Variants in FKBP4 observed in about 807,000 individuals in gnomAD.
FKBP4 encodes FKBP prolyl isomerase 4, also known as peptidyl-prolyl cis-trans isomerase FKBP4.
Under a neutral mutation model 54.1 loss-of-function variants are expected in FKBP4, and 28 were observed. The observed-to-expected ratio is 0.52, with a 90% CI of 0.38 to 0.71. The LOEUF is 0.71. FKBP4 is among the 30% of genes least tolerant of loss of function. FKBP4 has a pLI of 0.00. For missense variants in FKBP4, 493 were observed against 574.4 expected (o/e 0.86, Z 1.45); for synonymous variants, 223 against 216.1 (o/e 1.03, Z -0.28).
At position 2,803,307 on chromosome 12, in the gene FKBP4, C is replaced by T; in HGVS notation, c.*49C>T. On this transcript the variant is annotated 3_prime_UTR_variant, in exon 10 of 10. Transcript: ENST00000001008. ...TGCGGCTGCCTGCCCCCCAGTCTCCCCACTCCACCCTGTTAGTTTTGTAAA... is the reference window on the plus strand; with the variant it reads ...TGCGGCTGCCTGCCCCCCAGTCTCCTCACTCCACCCTGTTAGTTTTGTAAA... The T allele has an allele frequency of 7.9e-7, 1 of 1,269,428 alleles. No individual in the cohort carries two copies. The highest frequency in any genetic ancestry group is 1.1e-6 in the Non-Finnish European group (1 of 900,264). The allele number at this position is 1,269,428 out of a possible 1,614,324, so 78.6% of individuals were successfully genotyped here. A position where few individuals can be genotyped will look rare whatever the true frequency, so the allele number is the denominator to read the frequency against.
At position 2,801,222 on chromosome 12, in the gene FKBP4, C is replaced by T; in HGVS notation, c.1138C>T (p.Leu380=). 1 of 1,613,400 alleles carries T rather than the reference C, an allele frequency of 6.2e-7. No individual in the cohort carries two copies. Among genetic ancestry groups the T allele is most frequent in the Non-Finnish European group, 8.5e-7 (1 of 1,180,054 alleles). The part of the protein sequence containing the change: ...ELARADFQKV[L]QLYPNNKAAK... Reference sequence around the variant, plus strand: ...GGCACGGGCTGATTTCCAGAAGGTCCTGCAGCTCTACCCCAACAACAAAGC... The same window carrying T: ...GGCACGGGCTGATTTCCAGAAGGTCTTGCAGCTCTACCCCAACAACAAAGC... Residue 380 remains leucine, a synonymous_variant, in exon 9 of 10, where the codon CTG becomes TTG. Coordinates refer to ENST00000001008, the MANE Select transcript of FKBP4 (RefSeq NM_002014.4).
rs750325599 is a variant in FKBP4 at position 2,801,234 on chromosome 12, C to A, written c.1150C>A (p.Pro384Thr). ...TTTCCAGAAGGTCCTGCAGCTCTAC[C>A]CCAACAACAAAGCCGCCAAGACCCA... ...ADFQKVLQLY[P>T]NNKAAKTQLA... The change falls in exon 9 of 10, where the codon CCC becomes ACC. Residue 384 changes from proline (P) to threonine (T), a missense_variant. Physicochemically the swap from Pro to Thr is conservative, Grantham distance 38 (BLOSUM62 -1). Coordinates refer to ENST00000001008, the MANE Select transcript of FKBP4 (RefSeq NM_002014.4). 1.2e-6 allele frequency: 2 copies of A among 1,613,326 alleles called. No individual in the cohort carries two copies. Among genetic ancestry groups the A allele is most frequent in the East Asian group, 4.5e-5 (2 of 44,896 alleles).
chr12:2,805,082 A>G lies in FKBP4; in HGVS notation c.*1824A>G. The G allele has an allele frequency of 2.3e-6, 1 of 443,712 alleles. No individual in the cohort carries two copies. The highest frequency in any genetic ancestry group is 1.6e-5 in the South Asian group (1 of 62,220). The allele number at this position is 443,712 out of a possible 1,614,324, so 27.5% of individuals were successfully genotyped here. ...CAAGCATTTATGGAGTAAGCCTAGC[A>G]CTGTACTGACAGCATCACATGAGTG... On this transcript the variant is annotated 3_prime_UTR_variant, in exon 10 of 10. Coordinates refer to ENST00000001008, the MANE Select transcript of FKBP4 (RefSeq NM_002014.4).
In FKBP4 at chr12:2,805,291, T is replaced by G. The variant is rs2097906875; in HGVS notation, c.*2033T>G. 1 of 417,030 alleles carries G rather than the reference T, an allele frequency of 2.4e-6. No homozygotes were observed. The highest frequency in any genetic ancestry group is 4.7e-6 in the Non-Finnish European group (1 of 211,694). The allele number at this position is 417,030 out of a possible 1,614,324, so 25.8% of individuals were successfully genotyped here. A position where few individuals can be genotyped will look rare whatever the true frequency, so the allele number is the denominator to read the frequency against. On this transcript the variant is annotated 3_prime_UTR_variant, in exon 10 of 10. Coordinates refer to ENST00000001008, the MANE Select transcript of FKBP4 (RefSeq NM_002014.4). The stretch of plus-strand genomic sequence containing the variant: ...TCCTCATCTGCAAAATCGAAAGCAT[T>G]CCTGAGGTTTCTTCCAGCTCTGCAT...
chr12:2,796,647 C>G, intron 1 of FKBP4: 1 of 1,126,630 alleles, frequency 8.9e-7, no homozygotes, highest in Non-Finnish European at 1.1e-6. Flanking sequence ...TGTTTCTATT[C>G]TCTTCACTCA....
Position 2,800,084 on chromosome 12 carries a change from A to G in FKBP4, c.808A>G (p.Ser270Gly). Residue 270 changes from serine to glycine, a missense_variant, in exon 7 of 10, where the codon AGC becomes GGC. Coordinates refer to ENST00000001008, the MANE Select transcript of FKBP4 (RefSeq NM_002014.4). ...EMNSEEKLEQ[S>G]TIVKERGTVY... ...GAATTCAGAAGAGAAGCTGGAACAG[A>G]GCACCATAGTGAAAGAGCGGGGCAC... 1 of 1,614,038 alleles carries G rather than the reference A, an allele frequency of 6.2e-7. No homozygotes were observed. Among genetic ancestry groups the G allele is most frequent in the Non-Finnish European group, 8.5e-7 (1 of 1,180,042 alleles).
rs1432733134 is a variant in FKBP4, at chr12:2,795,612, C to T, written c.105+368C>T. On this transcript the variant is annotated intron_variant, in intron 1 of 9. Transcript: ENST00000001008. The surrounding 1 kb of genome is among the most constrained non-coding windows in gnomAD (Gnocchi z 4.3). ...CGGGCACCCGAGCCGCAGCCCGGGG[C>T]CAGGCCGGGCCTCCCACGCCACGCC... The T allele has an allele frequency of 2.7e-5, 4 of 147,502 alleles. No individual in the cohort carries two copies. Among genetic ancestry groups the T allele is most frequent in the South Asian group, 2.1e-4 (1 of 4,810 alleles). 9.1% of individuals were successfully genotyped at this position (147,502 alleles called of 1,614,324 possible).
Position 2,799,260 on chromosome 12 carries a change from T to G in FKBP4, c.671+16T>G. On this transcript the variant is annotated intron_variant, in intron 5 of 9. Coordinates refer to ENST00000001008, the MANE Select transcript of FKBP4 (RefSeq NM_002014.4). ...TCAAGCCCAGGTGAGGGGTGGGCAC[T>G]TCGTAGGGTAGGCAGGCAGGCAAAC... is the stretch of plus-strand genomic sequence containing the variant. 1 of 1,473,102 alleles carries G rather than the reference T, an allele frequency of 6.8e-7. No individual in the cohort carries two copies. The highest frequency in any genetic ancestry group is 9.0e-7 in the Non-Finnish European group (1 of 1,111,092). The allele number at this position is 1,473,102 out of a possible 1,614,324, so 91.3% of individuals were successfully genotyped here.
Position 2,803,339 on chromosome 12 carries a change from A to G in FKBP4, c.*81A>G. On this transcript the variant is annotated 3_prime_UTR_variant, in exon 10 of 10. Transcript: ENST00000001008. ...ACCCTGTTAGTTTTGTAAAAACTGA[A>G]GAATTTTGAGTGAATTAGACCTTTA... 2 of 981,762 alleles carry G rather than the reference A, an allele frequency of 2.0e-6. No individual in the cohort carries two copies. The highest frequency in any genetic ancestry group is 3.1e-6 in the Non-Finnish European group (2 of 648,280). The allele number at this position is 981,762 out of a possible 1,614,324, so 60.8% of individuals were successfully genotyped here.
rs1250943079 is a variant in FKBP4 at position 2,795,999 on chromosome 12, G to T, written c.105+755G>T. On this transcript the variant is annotated intron_variant, in intron 1 of 9. Transcript: ENST00000001008. The surrounding 1 kb of genome is among the most constrained non-coding windows in gnomAD (Gnocchi z 4.3). ...GGCGGGGAGGAGGCGCTCTGCTGTG[G>T]AGCCTGCCGCCGAGTGACCGCTCGA... The T allele has an allele frequency of 8.7e-7, 1 of 1,150,264 alleles. No individual in the cohort carries two copies. Among genetic ancestry groups the T allele is most frequent in the Non-Finnish European group, 1.1e-6 (1 of 922,278 alleles). 71.3% of individuals were successfully genotyped at this position (1,150,264 alleles called of 1,614,324 possible). A position where few individuals can be genotyped will look rare whatever the true frequency, so the allele number is the denominator to read the frequency against.
Position 2,801,223 on chromosome 12 carries a change from T to A in FKBP4, c.1139T>A (p.Leu380Gln). 6.2e-7 allele frequency: 1 copy of A among 1,613,422 alleles called. No homozygotes were observed. The highest frequency in any genetic ancestry group is 8.5e-7 in the Non-Finnish European group (1 of 1,180,052). ...GCACGGGCTGATTTCCAGAAGGTCC[T>A]GCAGCTCTACCCCAACAACAAAGCC... The part of the protein sequence containing the change: ...ELARADFQKV[L>Q]QLYPNNKAAK... Residue 380 changes from leucine (L) to glutamine (Q), a missense_variant, in exon 9 of 10, where the codon CTG becomes CAG. Leu to Gln is a moderately radical substitution (Grantham distance 113). Coordinates refer to ENST00000001008, the MANE Select transcript of FKBP4 (RefSeq NM_002014.4).
Position 2,804,229 on chromosome 12 carries a change from C to T in FKBP4, c.*971C>T, listed in dbSNP as rs2097906387. 1 of 152,234 alleles carries T rather than the reference C, an allele frequency of 6.6e-6. No homozygotes were observed. The allele number at this position is 152,234 out of a possible 1,614,324, so 9.4% of individuals were successfully genotyped here. A position where few individuals can be genotyped will look rare whatever the true frequency, so the allele number is the denominator to read the frequency against. On this transcript the variant is annotated 3_prime_UTR_variant, in exon 10 of 10. Coordinates refer to ENST00000001008, the MANE Select transcript of FKBP4 (RefSeq NM_002014.4). The stretch of plus-strand genomic sequence containing the variant: ...CAGTTTTAGTGCCTCTGGTTTTCTT[C>T]CCTGACACTTAGGAAGACGAAAGTA...
chr12:2,795,227 G>A lies in FKBP4; in HGVS notation c.88G>A (p.Asp30Asn). The A allele has an allele frequency of 7.5e-7, 1 of 1,335,474 alleles. No individual in the cohort carries two copies. The highest frequency in any genetic ancestry group is 9.7e-7 in the Non-Finnish European group (1 of 1,035,850). 82.7% of individuals were successfully genotyped at this position (1,335,474 alleles called of 1,614,324 possible). A position where few individuals can be genotyped will look rare whatever the true frequency, so the allele number is the denominator to read the frequency against. ...GGGAGTGGACATCAGCCCCAAACAG[G>A]ACGAAGGCGTGCTGAAGGTGAGGGG... ...MEGVDISPKQDEGVLKVIKRE... is the reference protein window; with the variant it reads ...MEGVDISPKQNEGVLKVIKRE... The change falls in exon 1 of 10, where the codon GAC (aspartate) becomes AAC (asparagine). Residue 30 changes from aspartate to asparagine, a missense_variant. Physicochemically the swap from Asp to Asn is conservative, Grantham distance 23. Transcript: ENST00000001008. This position sits in a 1 kb window ranked among gnomAD's most constrained non-coding sequence, Gnocchi z 4.3.
In FKBP4 at chr12:2,795,463, T is replaced by TG. The variant is rs1171086006; in HGVS notation, c.105+220dup. ...GCGCTCGGCAGGGGGGCGGCCTAGG[T>TG]GCGCGGGCCGAGGCCCCAGGCTCCC... is the stretch of plus-strand genomic sequence containing the variant. On this transcript the variant is annotated intron_variant, in intron 1 of 9. Coordinates refer to ENST00000001008, the MANE Select transcript of FKBP4 (RefSeq NM_002014.4). This position sits in a 1 kb window ranked among gnomAD's most constrained non-coding sequence, Gnocchi z 4.3. Among the ~76,000 whole-genome samples, 15 of 146,744 alleles carry TG rather than the reference T, an allele frequency of 1.0e-4. No individual in the cohort carries two copies. The highest frequency in any genetic ancestry group is 8.1e-4 in the Admixed American group (12 of 14,828).
At chr12:2,799,315 A>G in intron 5 of FKBP4, 71 bp downstream of exon 5, 1 of 1,434,834 alleles carries the variant, frequency 7.0e-7, no homozygotes, top group Non-Finnish European at 9.2e-7. Flanking sequence ...TGAATTGTAG[A>G]ACCAGCTGTT....
In FKBP4 at chr12:2,797,224, C is replaced by T. The variant is rs1489696869; in HGVS notation, c.192C>T (p.Gly64=). ...ACTACACTGGCTGGCTATTAGATGG[C>T]ACAAAGTTTGACTCCAGTCTGGATC... ...FVHYTGWLLD[G]TKFDSSLDRK... is the part of the protein sequence containing the mutation. The change falls in exon 2 of 10, where the codon GGC becomes GGT. Residue 64 remains glycine, a synonymous_variant. Coordinates refer to ENST00000001008, the MANE Select transcript of FKBP4 (RefSeq NM_002014.4). The T allele has an allele frequency of 1.2e-6, 2 of 1,613,906 alleles. No homozygotes were observed. Among genetic ancestry groups the T allele is most frequent in the Admixed American group, 3.3e-5 (2 of 60,012 alleles).
At chr12:2,803,059 A>AGAATGGGTGTATCTGTGTAATTCTGCT (rs2097905716) in intron 9 of FKBP4, 92 bp from the exon 10 acceptor site, 3 of 901,206 alleles carry the variant, frequency 3.3e-6, no homozygotes, top group Non-Finnish European at 3.5e-6. Context: ...CAGATGTAGG[A>AGAATGGGTGTATCTGTGTAATTCTGCT]GAATGGGTGT....
intron 1 of FKBP4, chr12:2,796,032 T>A: frequency 4.3e-6 from 5 of 1,168,600 alleles, no homozygotes; most frequent in Non-Finnish European, 1.1e-6. Flanking sequence ...CGACTACAAA[T>A]AGCCTGGGGA....
In FKBP4 at chr12:2,801,753, CAAAA is replaced by C. The variant is rs970131259; in HGVS notation, c.1272+401_1272+404del. On this transcript the variant is annotated intron_variant, in intron 9 of 9. Coordinates refer to ENST00000001008, the MANE Select transcript of FKBP4 (RefSeq NM_002014.4). ...TGAGTGACAAAATGAAACCCCATCTCAAAAAAAGAAAAGCGAGATGCTTTTTGTG... is the reference window on the plus strand; with the variant it reads ...TGAGTGACAAAATGAAACCCCATCTCAAAGAAAAGCGAGATGCTTTTTGTG... The C allele has an allele frequency of 2.3e-5, 8 of 355,168 alleles. No individual in the cohort carries two copies. In the Admixed American group the frequency reaches 2.7e-4, roughly 12 times the overall value. 22.0% of individuals were successfully genotyped at this position (355,168 alleles called of 1,614,324 possible).
Sources: allele counts gnomAD v4.1 joint callset (sites outside exome capture counted in the v4.1 genomes callset), GRCh38; gene constraint gnomAD v4.1.1; non-coding constraint Gnocchi (gnomAD v3.1); transcripts MANE v1.5; gene names NCBI Gene and HGNC (gene_info 2026-07-23, HGNC 2026-07-21).